The following TAF4B variants were observed in gnomAD, a reference collection of about 807,000 sequenced individuals.
The protein encoded by TAF4B is transcription initiation factor TFIID subunit 4B.
A neutral mutation model predicts 86.4 loss-of-function variants in TAF4B; 38 were observed. That is an observed-to-expected ratio of 0.44 (90% confidence interval 0.34 to 0.58). The LOEUF (loss-of-function observed/expected upper bound fraction) is 0.58, where lower values mean the gene tolerates loss of function less well. Among genes scored for constraint, TAF4B ranks in the 20% least tolerant of loss-of-function variants. The pLI, the probability that TAF4B is intolerant of heterozygous loss-of-function variation, is 0.02. For missense variants in TAF4B, 988 were observed against 1,027.6 expected, an observed-to-expected ratio of 0.96 and a Z score of 0.53; for synonymous variants, 388 against 391.2, an observed-to-expected ratio of 0.99 and a Z score of 0.10.
chr18:26,352,078 A>T (rs2057250181), intron 13 of TAF4B, among the ~76,000 whole-genome samples: 1 of 152,158 alleles, frequency 6.6e-6, no homozygotes, highest in Admixed American at 6.5e-5. Flanking sequence ...AATGTTAAAA[A>T]GTTCAAATAA....
chr18:26,321,093 C>G lies in TAF4B; in HGVS notation c.2026C>G (p.Leu676Val), dbSNP rs763722546. The change falls in exon 11 of 15, where the codon CTT becomes GTT. Residue 676 changes from leucine to valine, a missense_variant. Leu to Val is a conservative substitution (Grantham distance 32). Coordinates refer to ENST00000269142, the MANE Select transcript of TAF4B (RefSeq NM_005640.3). ...AGGTAAAAAGCATGACATTACAGAA[C>G]TTAACTCTGATGCTGTGAACTTGAT... ...DIGKKHDITE[L>V]NSDAVNLISQ... The G allele has an allele frequency of 1.3e-5, 21 of 1,613,664 alleles. No individual in the cohort carries two copies. The highest frequency in any genetic ancestry group is 1.6e-4 in the Middle Eastern group (1 of 6,082).
intron 14 of TAF4B, among the ~76,000 whole-genome samples, chr18:26,369,899 G>A (rs75466324): frequency 0.019 from 2,892 of 152,302 alleles, 77 homozygotes; most frequent in African/African-American, 0.066. Flanking sequence ...TCCTGAATTA[G>A]TTCTGGGTTT....
At chr18:26,283,139 A>G (rs1414381384) in intron 6 of TAF4B, among the ~76,000 whole-genome samples, 1 of 152,214 alleles carries the variant, frequency 6.6e-6, no homozygotes, top group East Asian at 1.9e-4. Flanking sequence ...TGCCTGACTC[A>G]TAAATATACT....
chr18:26,389,755 G>T, intron 14 of TAF4B, 90 bp from the exon 15 acceptor site: 1 of 1,358,672 alleles, frequency 7.4e-7, no homozygotes. Flanking sequence ...AGTGACCAGA[G>T]GGTAGTGGGC....
intron 9 of TAF4B, chr18:26,295,443 T>C (rs2056650968): frequency 5.7e-6 from 1 of 176,340 alleles, no homozygotes; most frequent in Non-Finnish European, 1.2e-5. Flanking sequence ...AATCAGGCAT[T>C]AGATTCTTAT....
intron 12 of TAF4B, among the ~76,000 whole-genome samples, chr18:26,329,848 AG>A (rs2057037003): frequency 6.6e-6 from 1 of 152,136 alleles, no homozygotes; most frequent in Non-Finnish European, 1.5e-5. Flanking sequence ...TTTGTTGCCC[AG>A]ACTAGAGTGC....
chr18:26,322,411 A>AC lies in TAF4B; in HGVS notation c.2133+1212dup, dbSNP rs398032238. ...AACAGGAGAAAAAGCTATGAAAAAA[A>AC]CAAAAAATTAATATCAGTATTTTAT... On this transcript the variant is annotated intron_variant, in intron 11 of 14. Coordinates refer to ENST00000269142, the MANE Select transcript of TAF4B (RefSeq NM_005640.3). Among the ~76,000 whole-genome samples, 71 of 152,152 alleles carry AC rather than the reference A, an allele frequency of 4.7e-4. 2 individuals are homozygous for AC. Among genetic ancestry groups the AC allele is most frequent in the African/African-American group, 1.6e-3 (65 of 41,552 alleles).
In TAF4B at chr18:26,235,151, G is replaced by A. The variant is rs140143769; in HGVS notation, c.343+7875G>A. On this transcript the variant is annotated intron_variant, in intron 1 of 14. Coordinates refer to ENST00000269142, the MANE Select transcript of TAF4B (RefSeq NM_005640.3). ...GGCTTAAGGCTGGAGCTTGTACTAG[G>A]GCCTGCTTTAAGGTTTTGAAGGTTG... Among the ~76,000 whole-genome samples the A allele has an allele frequency of 7.6e-3, 1,162 of 152,158 alleles. 5 individuals carry two copies. Among genetic ancestry groups the A allele is most frequent in the Middle Eastern group, 0.017 (5 of 294 alleles).
At chr18:26,275,150 A>G in intron 5 of TAF4B, 97 bp downstream of exon 5, 5 of 1,248,336 alleles carry the variant, frequency 4.0e-6, no homozygotes, top group Non-Finnish European at 5.3e-6. Flanking sequence ...TATTTAATTT[A>G]TTTATTTATT....
chr18:26,257,963 A>T (rs2056109986), intron 1 of TAF4B, among the ~76,000 whole-genome samples: 1 of 151,832 alleles, frequency 6.6e-6, no homozygotes, highest in Non-Finnish European at 1.5e-5. Flanking sequence ...TATGTCTTTT[A>T]AAGAAGCTGA....
At chr18:26,346,075 C>A (rs1483946489) in intron 13 of TAF4B, among the ~76,000 whole-genome samples, 1 of 152,008 alleles carries the variant, frequency 6.6e-6, no homozygotes, top group Non-Finnish European at 1.5e-5. Flanking sequence ...CTCAAGCTAT[C>A]CTCCCACCTC....
chr18:26,338,013 G>A (rs1030468506), intron 13 of TAF4B, among the ~76,000 whole-genome samples: 2 of 152,134 alleles, frequency 1.3e-5, no homozygotes, highest in Admixed American at 6.5e-5. Flanking sequence ...GCAGAACTTC[G>A]AAGAACTGTT....
At chr18:26,228,224 T>G (rs2055609388) in intron 1 of TAF4B, among the ~76,000 whole-genome samples, 1 of 152,224 alleles carries the variant, frequency 6.6e-6, no homozygotes, top group African/African-American at 2.4e-5. Context: ...TGGAGTTTGC[T>G]TTCTGTTAAT....
intron 3 of TAF4B, among the ~76,000 whole-genome samples, chr18:26,274,288 A>G (rs915964864): frequency 3.9e-5 from 6 of 152,226 alleles, no homozygotes; most frequent in Non-Finnish European, 5.9e-5. Context: ...AAAGACTTTC[A>G]GATACTTCTT....
At chr18:26,383,822 A>G (rs1337737581) in intron 14 of TAF4B, among the ~76,000 whole-genome samples, 3 of 152,148 alleles carry the variant, frequency 2.0e-5, no homozygotes, top group African/African-American at 7.2e-5. Flanking sequence ...AAAGGAATAA[A>G]ATGAAGGTGA....
At chr18:26,353,876 T>C (rs1180801244) in intron 13 of TAF4B, among the ~76,000 whole-genome samples, 1 of 152,200 alleles carries the variant, frequency 6.6e-6, no homozygotes, top group Non-Finnish European at 1.5e-5. Context: ...GCCAATTTTT[T>C]CTCTTATAGA....
At chr18:26,256,702 T>C (rs1301177805) in intron 1 of TAF4B, among the ~76,000 whole-genome samples, 1 of 152,142 alleles carries the variant, frequency 6.6e-6, no homozygotes, top group Non-Finnish European at 1.5e-5. Flanking sequence ...TTTGGTATGC[T>C]GTATCTTCAT....
chr18:26,237,028 T>C (rs1463604908), intron 1 of TAF4B, among the ~76,000 whole-genome samples: 1 of 152,178 alleles, frequency 6.6e-6, no homozygotes, highest in African/African-American at 2.4e-5. Context: ...ATTGAATAAT[T>C]CATGGGCTTT....
chr18:26,245,774 A>G (rs1306959218), intron 1 of TAF4B, among the ~76,000 whole-genome samples: 2 of 152,228 alleles, frequency 1.3e-5, no homozygotes, highest in Non-Finnish European at 2.9e-5. Flanking sequence ...CACTCGACCC[A>G]GGAAGTCCAG....
Sources: gnomAD v4.1 joint callset for allele counts (sites outside exome capture counted in the v4.1 genomes callset) on GRCh38, gnomAD v4.1.1 for gene constraint, MANE v1.5 for transcripts, NCBI Gene and HGNC (gene_info 2026-07-23, HGNC 2026-07-21) for gene names.